The following MOB3B variants were observed in gnomAD, a reference collection of about 807,000 sequenced individuals.
The protein encoded by MOB3B is MOB kinase activator 3B, also known as MOB kinase activator-like 2B.
MOB3B carries 7 observed loss-of-function variants against 18.7 expected under a neutral mutation model. That is an observed-to-expected ratio of 0.37 (90% CI 0.21 to 0.70). The LOEUF (loss-of-function observed/expected upper bound fraction) is 0.70. Ranked by LOEUF, MOB3B falls within the 30% of genes least tolerant of loss-of-function variation. The pLI is 0.52. For synonymous variants in MOB3B, 111 were observed against 99.9 expected (o/e 1.11, Z -0.66); for missense variants, 253 against 281.3 (o/e 0.90, Z 0.72).
intron 1 of MOB3B, among the ~76,000 whole-genome samples, chr9:27,511,451 T>G (rs1314136524): frequency 6.6e-6 from 1 of 152,202 alleles, no homozygotes; most frequent in Non-Finnish European, 1.5e-5. Context: ...CTGTGCTCAA[T>G]GCATGCTTCA....
rs190312989 is a variant in MOB3B at position 27,342,611 on chromosome 9, C to T, written c.622-11995G>A. Among the ~76,000 whole-genome samples, 639 of 152,194 alleles carry T rather than the reference C, an allele frequency of 4.2e-3. 1 individual carries two copies. The highest frequency in any genetic ancestry group is 7.1e-3 in the Non-Finnish European group (480 of 68,012). On this transcript the variant is annotated intron_variant, in intron 3 of 3. Transcript: ENST00000262244. ...CCTGCAGAGTGCCTGGGATTGCAGG[C>T]GCGCGCCGCCACACCTGACTGGTTT...
At chr9:27,370,299 G>A (rs754132764) in intron 2 of MOB3B, among the ~76,000 whole-genome samples, 21 of 151,946 alleles carry the variant, frequency 1.4e-4, no homozygotes, top group South Asian at 4.2e-4. Context: ...ACCTGAGGTC[G>A]GGAATTCAAG....
chr9:27,524,884 G>A (rs1254773347), intron 1 of MOB3B: 2 of 1,613,218 alleles, frequency 1.2e-6, no homozygotes, highest in Non-Finnish European at 1.7e-6. Context: ...GACTGTGCCT[G>A]GGAGATTGTC....
chr9:27,406,072 A>C (rs888845526), intron 2 of MOB3B, among the ~76,000 whole-genome samples: 1 of 152,248 alleles, frequency 6.6e-6, no homozygotes, highest in Admixed American at 6.5e-5. Flanking sequence ...AGTCCTAGCC[A>C]GAACAATTAG....
chr9:27,482,053 G>A (rs980244743), intron 1 of MOB3B, among the ~76,000 whole-genome samples: 3 of 151,428 alleles, frequency 2.0e-5, no homozygotes, highest in African/African-American at 7.3e-5. Context: ...GAAAAGCACG[G>A]TAAATAAAAT....
intron 2 of MOB3B, among the ~76,000 whole-genome samples, chr9:27,420,399 C>G (rs1032820122): frequency 4.6e-5 from 7 of 151,540 alleles, no homozygotes; most frequent in African/African-American, 1.7e-4. Context: ...AATTGTGGAA[C>G]TAACCCAATT....
intron 1 of MOB3B, among the ~76,000 whole-genome samples, chr9:27,471,283 T>A (rs1161549104): frequency 3.3e-5 from 5 of 152,052 alleles, no homozygotes; most frequent in Admixed American, 2.0e-4. Flanking sequence ...GAGACAAAAG[T>A]GGTCATCTGA....
intron 1 of MOB3B, among the ~76,000 whole-genome samples, chr9:27,470,357 C>A (rs1819452651): frequency 6.6e-6 from 1 of 152,132 alleles, no homozygotes; most frequent in African/African-American, 2.4e-5. Flanking sequence ...GCCACTGAAA[C>A]ACCTCTGAGA....
chr9:27,398,490 T>C (rs1821832436), intron 2 of MOB3B, among the ~76,000 whole-genome samples: 1 of 152,238 alleles, frequency 6.6e-6, no homozygotes, highest in African/African-American at 2.4e-5. Flanking sequence ...CATAAAGCAT[T>C]TGACACAGAG....
chr9:27,496,910 GTTGGTTTTC>G (rs2131491788), intron 1 of MOB3B, among the ~76,000 whole-genome samples: 1 of 152,278 alleles, frequency 6.6e-6, no homozygotes, highest in Admixed American at 6.5e-5. Flanking sequence ...CTCCAGAAGA[GTTGGTTTTC>G]CATTCTTGAT....
chr9:27,338,557 G>A (rs1430946240), intron 3 of MOB3B, among the ~76,000 whole-genome samples: 1 of 152,030 alleles, frequency 6.6e-6, no homozygotes, highest in East Asian at 1.9e-4. Flanking sequence ...GAAAAAGAGA[G>A]GAGAGAAAAA....
chr9:27,429,037 G>A (rs1391105486), intron 2 of MOB3B, among the ~76,000 whole-genome samples: 1 of 152,152 alleles, frequency 6.6e-6, no homozygotes, highest in Non-Finnish European at 1.5e-5. Context: ...ACATACTTTA[G>A]AAATTCAAAA....
At chr9:27,403,720 C>A (rs750805398) in intron 2 of MOB3B, among the ~76,000 whole-genome samples, 2 of 151,792 alleles carry the variant, frequency 1.3e-5, no homozygotes, top group African/African-American at 2.4e-5. Context: ...ACCTTGTGAT[C>A]CACCCGCCTC....
chr9:27,365,764 G>C (rs1821335177), intron 2 of MOB3B, among the ~76,000 whole-genome samples: 1 of 152,188 alleles, frequency 6.6e-6, no homozygotes, highest in Admixed American at 6.5e-5. Context: ...TCCACAGAGA[G>C]GGGATGGATA....
At chr9:27,443,813 A>G (rs946201630) in intron 2 of MOB3B, among the ~76,000 whole-genome samples, 1 of 152,150 alleles carries the variant, frequency 6.6e-6, no homozygotes, top group Non-Finnish European at 1.5e-5. Context: ...CAATAGCTTT[A>G]TTAGCCCTGG....
chr9:27,428,849 T>C (rs1000123814), intron 2 of MOB3B, among the ~76,000 whole-genome samples: 2 of 152,230 alleles, frequency 1.3e-5, no homozygotes, highest in African/African-American at 4.8e-5. Flanking sequence ...CTTTGTATTT[T>C]GGCACTGAGT....
intron 1 of MOB3B, among the ~76,000 whole-genome samples, chr9:27,474,589 T>G (rs1291936006): frequency 1.3e-5 from 2 of 152,198 alleles, no homozygotes; most frequent in African/African-American, 4.8e-5. Flanking sequence ...CTTCGTATCA[T>G]TCCTGTTGCA....
At chr9:27,487,152 T>TAAATAAATAAATAAATAAAA (rs763941890) in intron 1 of MOB3B, among the ~76,000 whole-genome samples, 3 of 16,176 alleles carry the variant, frequency 1.9e-4, no homozygotes, top group East Asian at 6.6e-3. Context: ...AATAAATAAA[T>TAAATAAATAAATAAATAAAA]AAAATAAATA....
chr9:27,461,996 A>G (rs1374438469), intron 1 of MOB3B, among the ~76,000 whole-genome samples: 1 of 152,242 alleles, frequency 6.6e-6, no homozygotes, highest in African/African-American at 2.4e-5. Flanking sequence ...TCTGAAATAA[A>G]GAGAATAATG....
Sources: gnomAD v4.1 joint callset for allele counts (sites outside exome capture counted in the v4.1 genomes callset) on GRCh38, gnomAD v4.1.1 for gene constraint, MANE v1.5 for transcripts, NCBI Gene and HGNC (gene_info 2026-07-23, HGNC 2026-07-21) for gene names.